KAT6A: variants seen among roughly 807,000 people sequenced by gnomAD.
KAT6A encodes the protein lysine acetyltransferase 6A.
A neutral mutation model predicts 198.4 loss-of-function variants in KAT6A; 9 were observed. The observed-to-expected ratio is 0.05, with a 90% CI of 0.03 to 0.08. KAT6A has a LOEUF of 0.08. Ranked by LOEUF, KAT6A falls within the 10% of genes least tolerant of loss-of-function variation. The pLI is 1.00. For synonymous variants in KAT6A, 890 were observed against 883.0 expected, an observed-to-expected ratio of 1.01 and a Z score of -0.14; for missense variants, 2,077 against 2,509.9, an observed-to-expected ratio of 0.83 and a Z score of 3.69.
At chr8:41,940,294 AAGCAAGAG>A (rs1822044580) in intron 15 of KAT6A, among the ~76,000 whole-genome samples, 1 of 152,244 alleles carries the variant, frequency 6.6e-6, no homozygotes, top group South Asian at 2.1e-4. Flanking sequence ...AATATTTTTA[AAGCAAGAG>A]AGACCACGTT....
chr8:42,010,995 A>G (rs895966835), intron 2 of KAT6A, among the ~76,000 whole-genome samples: 1 of 152,212 alleles, frequency 6.6e-6, no homozygotes, highest in Non-Finnish European at 1.5e-5. Context: ...GAGAGCAGAG[A>G]TAAGAGGAGA....
chr8:41,977,248 C>G lies in KAT6A; in HGVS notation c.1123G>C (p.Ala375Pro). Residue 375 changes from alanine (A) to proline (P), a missense_variant, in exon 7 of 17, where the codon GCA becomes CCA. Transcript: ENST00000265713. ...KRKITLSSQSASSSSEEGYLE... is the reference protein window; with the variant it reads ...KRKITLSSQSPSSSSEEGYLE... ...TATCCTTCTTCTGATGATGATGATGCTGATTGGCTGGAAAGAGTGATTTTT... is the reference window on the plus strand; with the variant it reads ...TATCCTTCTTCTGATGATGATGATGGTGATTGGCTGGAAAGAGTGATTTTT... 6.2e-7 allele frequency: 1 copy of G among 1,614,152 alleles called. No individual in the cohort carries two copies. Among genetic ancestry groups the G allele is most frequent in the South Asian group, 1.1e-5 (1 of 91,080 alleles).
intron 8 of KAT6A, among the ~76,000 whole-genome samples, chr8:41,968,019 C>A (rs1208535011): frequency 1.3e-5 from 2 of 151,954 alleles, no homozygotes; most frequent in East Asian, 3.9e-4. Flanking sequence ...ACCATAAAAA[C>A]CCTAGAAGAA....
intron 2 of KAT6A, among the ~76,000 whole-genome samples, chr8:41,999,608 C>A (rs1026440813): frequency 1.2e-4 from 18 of 152,210 alleles, no homozygotes; most frequent in Non-Finnish European, 2.5e-4. Flanking sequence ...CTCCCACAGG[C>A]TGGCATTCAA....
In KAT6A at chr8:41,932,811, A is replaced by T. The variant is rs1177928933; in HGVS notation, c.5409T>A (p.Thr1803=). ...GCGTCATGGTGGCTTGTGCTTGAGG[A>T]GTCCCAGCTAAGGGATGAGATGGAG... The part of the protein sequence containing the change: ...QLAPSHPLAG[T]PQAQATMTPP... Residue 1803 remains threonine (T), a synonymous_variant, in exon 17 of 17, where the codon ACT becomes ACA. Transcript: ENST00000265713. 1.2e-6 allele frequency: 2 copies of T among 1,614,060 alleles called. No homozygotes were observed. The highest frequency in any genetic ancestry group is 1.7e-6 in the Non-Finnish European group (2 of 1,179,966).
chr8:41,959,991 C>G (rs1823113927), intron 8 of KAT6A, among the ~76,000 whole-genome samples: 1 of 151,772 alleles, frequency 6.6e-6, no homozygotes, highest in South Asian at 2.1e-4. Context: ...GAAGGCAATT[C>G]TGACACAGGC....
rs569362572 is a variant in KAT6A at position 42,030,802 on chromosome 8, T to C, written c.600+17576A>G. On this transcript the variant is annotated intron_variant, in intron 2 of 16. Transcript: ENST00000265713. ...CATGTTGGTCAGGCTGGACTTGAAC[T>C]CCTGACCTCAAGTGATCTGCTTGCC... Among the ~76,000 whole-genome samples, 8 of 152,168 alleles carry C rather than the reference T, an allele frequency of 5.3e-5. 1 individual carries two copies. The South Asian group carries it at 1.7e-3, about 32-fold the overall frequency.
intron 9 of KAT6A, 104 bp from the exon 10 acceptor site, chr8:41,949,467 G>A: frequency 1.3e-6 from 1 of 773,870 alleles, no homozygotes. Flanking sequence ...CCAGGTAACA[G>A]GTTAAAAAAA....
intron 2 of KAT6A, among the ~76,000 whole-genome samples, chr8:42,005,662 A>T (rs1008534996): frequency 1.3e-5 from 2 of 152,156 alleles, no homozygotes; most frequent in African/African-American, 4.8e-5. Flanking sequence ...AAGAGGAGAA[A>T]AACTGTTTTA....
chr8:42,037,194 A>G (rs1044580880), intron 2 of KAT6A, among the ~76,000 whole-genome samples: 8 of 152,340 alleles, frequency 5.3e-5, no homozygotes, highest in African/African-American at 1.7e-4. Flanking sequence ...GTAATGCTAA[A>G]GTGAATTTAG....
At chr8:41,989,251 G>A (rs1824785389) in intron 2 of KAT6A, among the ~76,000 whole-genome samples, 1 of 152,190 alleles carries the variant, frequency 6.6e-6, no homozygotes, top group Non-Finnish European at 1.5e-5. Context: ...GCTCACGCTT[G>A]TAATCCCAGC....
At chr8:41,980,764 TCA>T in intron 5 of KAT6A, 80 bp downstream of exon 5, 1 of 957,274 alleles carries the variant, frequency 1.0e-6, no homozygotes, top group Non-Finnish European at 1.7e-6. Flanking sequence ...AATTATTATT[TCA>T]TTTAACAAAG....
chr8:42,040,113 A>G (rs1827578681), intron 2 of KAT6A, among the ~76,000 whole-genome samples: 1 of 152,018 alleles, frequency 6.6e-6, no homozygotes, highest in Admixed American at 6.5e-5. Context: ...ATAAAATTTA[A>G]TCATATAGAA....
At chr8:42,009,170 A>C (rs931245268) in intron 2 of KAT6A, among the ~76,000 whole-genome samples, 1 of 152,198 alleles carries the variant, frequency 6.6e-6, no homozygotes, top group African/African-American at 2.4e-5. Flanking sequence ...ATCAGAGAGA[A>C]AATCAGTTAG....
Position 41,932,968 on chromosome 8 carries a change from A to C in KAT6A, c.5252T>G (p.Phe1751Cys), listed in dbSNP as rs1053210693. 1 of 1,614,058 alleles carries C rather than the reference A, an allele frequency of 6.2e-7. No homozygotes were observed. The highest frequency in any genetic ancestry group is 8.5e-7 in the Non-Finnish European group (1 of 1,180,018). The change falls in exon 17 of 17, where the codon TTC (phenylalanine) becomes TGC (cysteine). Residue 1751 changes from phenylalanine to cysteine, a missense_variant. Physicochemically the swap from Phe to Cys is radical, Grantham distance 205 (BLOSUM62 -2). Coordinates refer to ENST00000265713, the MANE Select transcript of KAT6A (RefSeq NM_006766.5). Reference sequence around the variant, plus strand: ...CAGCTGCTGCAGCTTGGCTAGGCTGAAGGTGGCTGATGGTTGAGAGTAGCT... The same window carrying C: ...CAGCTGCTGCAGCTTGGCTAGGCTGCAGGTGGCTGATGGTTGAGAGTAGCT... ...AGSYSQPSAT[F>C]SLAKLQQLTN...
Position 41,934,347 on chromosome 8 carries a change from C to T in KAT6A, c.3873G>A (p.Gln1291=). The change falls in exon 17 of 17, where the codon CAG becomes CAA. Residue 1291 remains glutamine (Q), a synonymous_variant. Transcript: ENST00000265713. ...EEQRQSEEEQ[Q]ELEEPEPEEE... ...CCTCTGGCTCTGGCTCCTCTAATTC[C>T]TGCTGCTCCTCCTCTGACTGCCTCT... 6.2e-7 allele frequency: 1 copy of T among 1,614,020 alleles called. No individual in the cohort carries two copies. Among genetic ancestry groups the T allele is most frequent in the Non-Finnish European group, 8.5e-7 (1 of 1,180,012 alleles).
chr8:42,015,084 G>T (rs1244357570), intron 2 of KAT6A, among the ~76,000 whole-genome samples: 3 of 152,198 alleles, frequency 2.0e-5, no homozygotes, highest in Admixed American at 1.3e-4. Flanking sequence ...GCAGAAGAGA[G>T]GAGAACAATA....
At chr8:42,021,023 A>C (rs936069693) in intron 2 of KAT6A, among the ~76,000 whole-genome samples, 3 of 152,070 alleles carry the variant, frequency 2.0e-5, no homozygotes, top group Non-Finnish European at 2.9e-5. Context: ...TTTATGAGGA[A>C]GTTTGCTGTC....
At position 42,032,871 on chromosome 8, in the gene KAT6A, C is replaced by CTTTTTTTTTTTTTTTTTTTTTTTT. The variant is rs1163323345; in HGVS notation, c.600+15483_600+15506dup. ...GTCTAATGCTTATTTAAAACCTTGG[C>CTTTTTTTTTTTTTTTTTTTTTTTT]TTTTTTTTTTTTTTTTTTTTTTTTT... On this transcript the variant is annotated intron_variant, in intron 2 of 16. Coordinates refer to ENST00000265713, the MANE Select transcript of KAT6A (RefSeq NM_006766.5). 2.6e-5 allele frequency among the ~76,000 whole-genome samples: 2 copies of CTTTTTTTTTTTTTTTTTTTTTTTT among 76,518 alleles called. 1 individual carries two copies. The allele number at this position is 76,518 out of a possible 152,430, so 50.2% of individuals were successfully genotyped here.
Sources: gnomAD v4.1 joint callset for allele counts (sites outside exome capture counted in the v4.1 genomes callset) on GRCh38, gnomAD v4.1.1 for gene constraint, MANE v1.5 for transcripts, NCBI Gene and HGNC (gene_info 2026-07-23, HGNC 2026-07-21) for gene names.